The following ATP8A2 variants were observed in gnomAD, a reference collection of about 807,000 sequenced individuals.
The protein encoded by ATP8A2 is ATPase phospholipid transporting 8A2.
ATP8A2 carries 100 observed loss-of-function variants against 165.6 expected under a neutral mutation model. That is an observed-to-expected ratio of 0.60 (90% confidence interval 0.51 to 0.71). The LOEUF (loss-of-function observed/expected upper bound fraction) is 0.71, where lower values mean the gene tolerates loss of function less well. ATP8A2 is among the 30% of genes least tolerant of loss of function. ATP8A2 has a pLI of 0.00. For synonymous variants in ATP8A2, 543 were observed against 548.8 expected (o/e 0.99, Z 0.15); for missense variants, 1,227 against 1,479.5 (o/e 0.83, Z 2.80).
At chr13:25,674,877 C>T (rs1396345545) in intron 24 of ATP8A2, among the ~76,000 whole-genome samples, 7 of 152,214 alleles carry the variant, frequency 4.6e-5, no homozygotes, top group African/African-American at 1.7e-4. Context: ...TCTCACTCGC[C>T]TTCAAAAGAT....
intron 18 of ATP8A2, 105 bp from the exon 19 acceptor site, chr13:25,574,703 A>C (rs2039566249): frequency 2.7e-6 from 2 of 750,882 alleles, no homozygotes; most frequent in Non-Finnish European, 2.4e-6. Flanking sequence ...AGAAGGTGGG[A>C]AGAGAGAGAG....
In ATP8A2 at chr13:25,372,381, C is replaced by A. The variant is rs956973842; in HGVS notation, c.76+93C>A. ...GTTATGCGACACTGCCCCGCCCGCG[C>A]CCCGCTCCCCTCCCTGGGCTCCCTG... On this transcript the variant is annotated intron_variant, in intron 1 of 36. Coordinates refer to ENST00000381655, the MANE Select transcript of ATP8A2 (RefSeq NM_016529.6). The surrounding 1 kb of genome is among the most constrained non-coding windows in gnomAD (Gnocchi z 4.8). 7.5e-6 allele frequency: 7 copies of A among 928,100 alleles called. No homozygotes were observed. The highest frequency in any genetic ancestry group is 7.1e-5 in the East Asian group (2 of 28,338). The allele number at this position is 928,100 out of a possible 1,614,324, so 57.5% of individuals were successfully genotyped here.
intron 24 of ATP8A2, among the ~76,000 whole-genome samples, chr13:25,622,839 C>A (rs2041006067): frequency 6.6e-6 from 1 of 152,136 alleles, no homozygotes; most frequent in African/African-American, 2.4e-5. Flanking sequence ...TGGTCCCAAG[C>A]ATTTCAGATA....
intron 2 of ATP8A2, among the ~76,000 whole-genome samples, chr13:25,474,357 T>C (rs2035932901): frequency 6.6e-6 from 1 of 152,072 alleles, no homozygotes. Context: ...GTCAGGAGAT[T>C]GAGACCATCC....
intron 1 of ATP8A2, among the ~76,000 whole-genome samples, chr13:25,425,946 G>C (rs963073895): frequency 6.6e-6 from 1 of 152,196 alleles, no homozygotes; most frequent in Admixed American, 6.5e-5. Flanking sequence ...TGATAGCTCA[G>C]TCTTTTTATT....
chr13:25,507,036 A>G (rs1040391058), intron 2 of ATP8A2, among the ~76,000 whole-genome samples: 1 of 151,174 alleles, frequency 6.6e-6, no homozygotes, highest in African/African-American at 2.4e-5. Flanking sequence ...GTGTATCTCT[A>G]TATAAATTTT....
intron 2 of ATP8A2, among the ~76,000 whole-genome samples, chr13:25,504,959 G>A (rs1201666523): frequency 6.6e-6 from 1 of 152,076 alleles, no homozygotes; most frequent in Non-Finnish European, 1.5e-5. Context: ...TCTCAGAATT[G>A]TATTTTTTTA....
chr13:25,634,774 C>A (rs1254885372), intron 24 of ATP8A2, among the ~76,000 whole-genome samples: 1 of 152,094 alleles, frequency 6.6e-6, no homozygotes, highest in Non-Finnish European at 1.5e-5. Flanking sequence ...TAAATCTGTT[C>A]AAGTTTATTC....
intron 5 of ATP8A2, 137 bp downstream of exon 5, chr13:25,532,454 TAAC>T: frequency 3.3e-6 from 2 of 606,868 alleles, no homozygotes; most frequent in Non-Finnish European, 5.7e-6. Flanking sequence ...AATAGTAAAA[TAAC>T]AAACAAACTG....
chr13:25,877,987 A>G (rs1208453113), intron 33 of ATP8A2, among the ~76,000 whole-genome samples: 2 of 152,228 alleles, frequency 1.3e-5, no homozygotes, highest in African/African-American at 4.8e-5. Context: ...TGCCCAAGAA[A>G]ATAACTAGTT....
chr13:25,458,631 T>G (rs1035644645), intron 1 of ATP8A2, among the ~76,000 whole-genome samples: 1 of 152,234 alleles, frequency 6.6e-6, no homozygotes, highest in East Asian at 1.9e-4. Flanking sequence ...TGTTTTTGAT[T>G]TCCAGAAGGT....
chr13:25,546,810 G>A (rs2038665449), intron 10 of ATP8A2, among the ~76,000 whole-genome samples: 1 of 152,104 alleles, frequency 6.6e-6, no homozygotes, highest in East Asian at 1.9e-4. Flanking sequence ...AGTAACCCAA[G>A]CTTACAAAAC....
chr13:25,574,565 T>G (rs1284661325), intron 18 of ATP8A2, among the ~76,000 whole-genome samples: 3 of 152,136 alleles, frequency 2.0e-5, no homozygotes, highest in Non-Finnish European at 4.4e-5. Context: ...GTGTCCTCTA[T>G]CTCCATCTCT....
chr13:25,582,147 A>C (rs1381177961), intron 23 of ATP8A2, among the ~76,000 whole-genome samples, 190 bp downstream of exon 23: 1 of 152,222 alleles, frequency 6.6e-6, no homozygotes, highest in Admixed American at 6.5e-5. Flanking sequence ...AAACATTAAA[A>C]CTATCATAGT....
chr13:25,431,121 G>A (rs1487269443), intron 1 of ATP8A2, among the ~76,000 whole-genome samples: 1 of 149,286 alleles, frequency 6.7e-6, no homozygotes, highest in Non-Finnish European at 1.5e-5. Flanking sequence ...ACATTGTTAA[G>A]TACACATTTC....
At chr13:25,877,915 T>C (rs2138838710) in intron 33 of ATP8A2, among the ~76,000 whole-genome samples, 1 of 152,334 alleles carries the variant, frequency 6.6e-6, no homozygotes, top group African/African-American at 2.4e-5. Context: ...TTCCTAACAG[T>C]GTCACCTGTG....
At chr13:25,774,761 T>C in intron 26 of ATP8A2, 88 bp from the exon 27 acceptor site, 1 of 748,964 alleles carries the variant, frequency 1.3e-6, no homozygotes, top group Non-Finnish European at 2.3e-6. Context: ...ACCTACATTA[T>C]CTGACTTCTG....
rs1299169055 is a variant in ATP8A2, at chr13:25,551,402, T to C, written c.956T>C (p.Val319Ala). The change falls in exon 11 of 37, where the codon GTG (valine) becomes GCG (alanine). Residue 319 changes from valine to alanine, a missense_variant. By Grantham distance (64) the Val-to-Ala change is moderately conservative. Transcript: ENST00000381655. Reference sequence around the variant, plus strand: ...AAGGTGACTAACGTGCAGATCCTGGTGTTGTTTGGCATCCTCTTGGTCATG... The same window carrying C: ...AAGGTGACTAACGTGCAGATCCTGGCGTTGTTTGGCATCCTCTTGGTCATG... Reference protein sequence around the residue: ...VEKVTNVQILVLFGILLVMAL... With the variant: ...VEKVTNVQILALFGILLVMAL... 1 of 1,614,066 alleles carries C rather than the reference T, an allele frequency of 6.2e-7. No individual in the cohort carries two copies. Among genetic ancestry groups the C allele is most frequent in the East Asian group, 2.2e-5 (1 of 44,868 alleles).
At chr13:25,464,750 G>A (rs1464870361) in intron 1 of ATP8A2, among the ~76,000 whole-genome samples, 2 of 152,206 alleles carry the variant, frequency 1.3e-5, no homozygotes, top group East Asian at 1.9e-4. Context: ...AGAGAAGGGA[G>A]CAGCTGGTTC....
Sources: allele counts gnomAD v4.1 joint callset (sites outside exome capture counted in the v4.1 genomes callset), GRCh38; gene constraint gnomAD v4.1.1; non-coding constraint Gnocchi (gnomAD v3.1); transcripts MANE v1.5; gene names NCBI Gene and HGNC (gene_info 2026-07-23, HGNC 2026-07-21).